SOCS4: variants seen among roughly 807,000 people sequenced by gnomAD.
The protein encoded by SOCS4 is suppressor of cytokine signaling 4, also known as SH2 domain containing SOCS box protein.
SOCS4 carries 20 observed loss-of-function variants against 34.1 expected under a neutral mutation model. That is an observed-to-expected ratio of 0.59 (90% confidence interval 0.41 to 0.85). SOCS4 has a LOEUF of 0.85. Among genes scored for constraint, SOCS4 ranks in the 40% least tolerant of loss-of-function variants. The probability of loss-of-function intolerance (pLI) is 0.00; values close to 1 mark genes in which losing one functional copy is unlikely to be tolerated. For missense variants in SOCS4, 479 were observed against 532.4 expected, an observed-to-expected ratio of 0.90 and a Z score of 0.99; for synonymous variants, 180 against 186.4, an observed-to-expected ratio of 0.97 and a Z score of 0.28.
chr14:55,043,875 C>T lies in SOCS4; in HGVS notation c.834C>T (p.Leu278=), dbSNP rs979946668. 2.5e-6 allele frequency: 4 copies of T among 1,614,162 alleles called. No homozygotes were observed. Among genetic ancestry groups the T allele is most frequent in the East Asian group, 2.2e-5 (1 of 44,882 alleles). Residue 278 remains leucine (L), a synonymous_variant, in exon 3 of 3, where the codon CTC becomes CTT. Transcript: ENST00000555846. ...IDYVHCLVPD[L]LQINNNPCYW... is the part of the protein sequence containing the mutation. Reference sequence around the variant, plus strand: ...ATGTCCACTGTCTTGTACCAGACCTCCTTCAGATCAATAACAACCCATGTT... The same window carrying T: ...ATGTCCACTGTCTTGTACCAGACCTTCTTCAGATCAATAACAACCCATGTT...
At position 55,047,650 on chromosome 14, in the gene SOCS4, TAA is replaced by T. The variant is rs1193685315; in HGVS notation, c.*3288_*3289del. 6.0e-6 allele frequency: 1 copy of T among 167,120 alleles called. No homozygotes were observed. The highest frequency in any genetic ancestry group is 1.5e-5 in the Non-Finnish European group (1 of 68,122). The allele number at this position is 167,120 out of a possible 1,614,324, so 10.4% of individuals were successfully genotyped here. ...CTGTGGTCAAAGAATGGCTTTCAGT[TAA>T]AGTTTTGACTTCTTATTATAAATAA... On this transcript the variant is annotated 3_prime_UTR_variant, in exon 3 of 3. Transcript: ENST00000555846.
Position 55,044,328 on chromosome 14 carries a change from A to G in SOCS4, c.1287A>G (p.Arg429=), listed in dbSNP as rs776532338. The change falls in exon 3 of 3, where the codon AGA becomes AGG. Residue 429 remains arginine, a synonymous_variant. Coordinates refer to ENST00000555846, the MANE Select transcript of SOCS4 (RefSeq NM_199421.2). ...AATATCATTATAAATCAAAAGTTAG[A>G]GTACTCAGGATTGATGCACCAGAAC... The part of the protein sequence containing the change: ...LKEYHYKSKV[R]VLRIDAPEQQ... 2 of 1,613,052 alleles carry G rather than the reference A, an allele frequency of 1.2e-6. No individual in the cohort carries two copies. Among genetic ancestry groups the G allele is most frequent in the Admixed American group, 3.3e-5 (2 of 60,012 alleles).
chr14:55,041,051 T>G (rs1054593921), intron 2 of SOCS4, among the ~76,000 whole-genome samples: 1 of 151,970 alleles, frequency 6.6e-6, no homozygotes, highest in Non-Finnish European at 1.5e-5. Flanking sequence ...CACACCCAGC[T>G]AATTTTTTGT....
intron 2 of SOCS4, among the ~76,000 whole-genome samples, chr14:55,041,944 G>A (rs1194971094): frequency 1.4e-4 from 21 of 151,328 alleles, no homozygotes; most frequent in Non-Finnish European, 7.4e-5. Flanking sequence ...GGCGTGCGCC[G>A]TTGCACCTGG....
intron 2 of SOCS4, among the ~76,000 whole-genome samples, chr14:55,032,720 A>G (rs1375013917): frequency 1.3e-5 from 2 of 152,006 alleles, no homozygotes; most frequent in Admixed American, 6.6e-5. Flanking sequence ...TCAAACCATC[A>G]TCTTTGATTT....
At chr14:55,028,543 T>C (rs1026477027) in intron 1 of SOCS4, among the ~76,000 whole-genome samples, 3 of 152,158 alleles carry the variant, frequency 2.0e-5, no homozygotes, top group African/African-American at 7.2e-5. Flanking sequence ...CGTCTCTATG[T>C]TGAATAAAGC....
At chr14:55,040,892 G>GTTT (rs746911549) in intron 2 of SOCS4, among the ~76,000 whole-genome samples, 1 of 138,938 alleles carries the variant, frequency 7.2e-6, no homozygotes, top group African/African-American at 2.6e-5. Flanking sequence ...TCACCAGATG[G>GTTT]TTTTTTTTTT....
intron 1 of SOCS4, among the ~76,000 whole-genome samples, chr14:55,031,019 C>T (rs1164605939): frequency 6.6e-6 from 1 of 151,772 alleles, no homozygotes; most frequent in African/African-American, 2.4e-5. Context: ...AGCTTTTTTC[C>T]CCCTCCTTTT....
In SOCS4 at chr14:55,048,066, G is replaced by T; in HGVS notation, c.*3702G>T. ...CTCCCAAGTAGCTGAGATGACAGGC[G>T]TGTGCCACCACGCCCAGCTAATTTT... is the stretch of plus-strand genomic sequence containing the variant. On this transcript the variant is annotated 3_prime_UTR_variant, in exon 3 of 3. Coordinates refer to ENST00000555846, the MANE Select transcript of SOCS4 (RefSeq NM_199421.2). 6.2e-6 allele frequency: 1 copy of T among 162,488 alleles called. No homozygotes were observed. The allele number at this position is 162,488 out of a possible 1,614,324, so 10.1% of individuals were successfully genotyped here.
At chr14:55,027,559 C>A (rs2042475510) in intron 1 of SOCS4, 88 bp downstream of exon 1, 1 of 152,664 alleles carries the variant, frequency 6.6e-6, no homozygotes, top group Admixed American at 6.5e-5. Context: ...GAAACAATAT[C>A]CGGATCCCTA....
In SOCS4 at chr14:55,032,688, A is replaced by G. The variant is rs539424332; in HGVS notation, c.-91+697A>G. ...AGCTTTTTTGCAGCTACAGTCAAAG[A>G]TCTTTGATTTGTCACCATCTTTCAA... is the stretch of plus-strand genomic sequence containing the variant. On this transcript the variant is annotated intron_variant, in intron 2 of 2. Transcript: ENST00000555846. 9.8e-5 allele frequency among the ~76,000 whole-genome samples: 15 copies of G among 152,286 alleles called. No homozygotes were observed. The East Asian group carries it at 2.9e-3, about 29-fold the overall frequency.
intron 2 of SOCS4, among the ~76,000 whole-genome samples, chr14:55,033,017 C>G (rs1488950678): frequency 1.3e-5 from 2 of 152,074 alleles, no homozygotes; most frequent in Non-Finnish European, 2.9e-5. Context: ...CTCCTGACCT[C>G]GTGATCCACC....
At chr14:55,036,281 T>C (rs1371795914) in intron 2 of SOCS4, among the ~76,000 whole-genome samples, 1 of 152,210 alleles carries the variant, frequency 6.6e-6, no homozygotes, top group Non-Finnish European at 1.5e-5. Context: ...ATAATGTACT[T>C]TGATGTTGAG....
rs536008211 is a variant in SOCS4 at position 55,043,923 on chromosome 14, C to A, written c.882C>A (p.Tyr294Ter). The change falls in exon 3 of 3, where the codon TAC (tyrosine) becomes TAA (stop). Residue 294 changes from tyrosine to a stop codon, truncating the protein, a stop_gained. Coordinates refer to ENST00000555846, the MANE Select transcript of SOCS4 (RefSeq NM_199421.2). LOFTEE classifies it high-confidence loss of function. ...GTTACTGGGGAGTGATGGATAAATA[C>A]GCAGCCGAAGCACTACTGGAAGGAA... ...NPCYWGVMDK[Y>*]AAEALLEGKP... The A allele has an allele frequency of 6.2e-7, 1 of 1,614,012 alleles. No homozygotes were observed. The highest frequency in any genetic ancestry group is 1.3e-5 in the African/African-American group (1 of 74,914).
intron 2 of SOCS4, among the ~76,000 whole-genome samples, chr14:55,040,705 C>G (rs2042609899): frequency 6.6e-6 from 1 of 151,906 alleles, no homozygotes; most frequent in South Asian, 2.1e-4. Flanking sequence ...GATCATGCCA[C>G]TGCACTCCAG....
intron 2 of SOCS4, among the ~76,000 whole-genome samples, chr14:55,037,501 AT>A (rs890708024): frequency 1.7e-4 from 24 of 142,190 alleles, no homozygotes; most frequent in African/African-American, 4.4e-4. Flanking sequence ...CTTTTTTTTT[AT>A]TTTTTTTTTA....
rs1267369234 is a variant in SOCS4, at chr14:55,049,287, C to G, written c.*4923C>G. 6.0e-6 allele frequency: 1 copy of G among 167,016 alleles called. No homozygotes were observed. The highest frequency in any genetic ancestry group is 1.5e-5 in the Non-Finnish European group (1 of 68,104). 10.3% of individuals were successfully genotyped at this position (167,016 alleles called of 1,614,324 possible). A position where few individuals can be genotyped will look rare whatever the true frequency, so the allele number is the denominator to read the frequency against. Reference sequence around the variant, plus strand: ...TAAGCCAAGTATGAGTTCACATGTACTCGAATATACAGTTTTCACAAAGCT... The same window carrying G: ...TAAGCCAAGTATGAGTTCACATGTAGTCGAATATACAGTTTTCACAAAGCT... On this transcript the variant is annotated 3_prime_UTR_variant, in exon 3 of 3. Transcript: ENST00000555846.
chr14:55,033,373 G>A (rs973156779), intron 2 of SOCS4, among the ~76,000 whole-genome samples: 41 of 152,172 alleles, frequency 2.7e-4, no homozygotes, highest in African/African-American at 9.9e-4. Context: ...CTTTATATGT[G>A]TTTAAGTATA....
chr14:55,043,819 A>G lies in SOCS4; in HGVS notation c.778A>G (p.Thr260Ala). The change falls in exon 3 of 3, where the codon ACA (threonine) becomes GCA (alanine). Residue 260 changes from threonine to alanine, a missense_variant. Physicochemically the swap from Thr to Ala is moderately conservative, Grantham distance 58. Transcript: ENST00000555846. ...GGATGATGAAATCCTGCAGTTGGAA[A>G]CACCTCCTAAATACCACACGCAGAT... ...DLDDEILQLE[T>A]PPKYHTQIDY... 1 of 1,614,176 alleles carries G rather than the reference A, an allele frequency of 6.2e-7. No homozygotes were observed. The highest frequency in any genetic ancestry group is 8.5e-7 in the Non-Finnish European group (1 of 1,180,020).
Sources: allele counts gnomAD v4.1 joint callset (sites outside exome capture counted in the v4.1 genomes callset), GRCh38; gene constraint gnomAD v4.1.1; transcripts MANE v1.5; gene names NCBI Gene and HGNC (gene_info 2026-07-23, HGNC 2026-07-21).